Variants in C1orf167 observed in about 807,000 individuals in gnomAD.
C1orf167 encodes uncharacterized protein C1orf167.
Under a neutral mutation model 176.5 loss-of-function variants are expected in C1orf167, and 153 were observed. The ratio of observed to expected loss-of-function variants is 0.87; its 90% CI spans 0.76 to 0.99. C1orf167 has a LOEUF of 0.99. Among genes scored for constraint, C1orf167 ranks in the 50% least tolerant of loss-of-function variants. The pLI is 0.00. For missense variants in C1orf167, 1,490 were observed against 1,817.7 expected, an observed-to-expected ratio of 0.82 and a Z score of 3.28; for synonymous variants, 594 against 752.7, an observed-to-expected ratio of 0.79 and a Z score of 3.45.
In C1orf167 at chr1:11,765,933, G is replaced by A; in HGVS notation, c.147G>A (p.Val49=). 3 of 1,248,542 alleles carry A rather than the reference G, an allele frequency of 2.4e-6. No homozygotes were observed. The highest frequency in any genetic ancestry group is 1.1e-4 in the East Asian group (2 of 17,650). 77.3% of individuals were successfully genotyped at this position (1,248,542 alleles called of 1,614,324 possible). Reference sequence around the variant, plus strand: ...ACCAGTGGGTGCCCGGGTGCCAGGTGGAGAGGGGAGGGCCTGCTGCCACAC... The same window carrying A: ...ACCAGTGGGTGCCCGGGTGCCAGGTAGAGAGGGGAGGGCCTGCTGCCACAC... ...RHDQWVPGCQ[V]ERGGPAATPS... is the part of the protein sequence containing the mutation. Residue 49 remains valine (V), a synonymous_variant, in exon 3 of 21, where the codon GTG becomes GTA. Transcript: ENST00000688073.
At chr1:11,779,106 C>A (rs1643472351) in intron 12 of C1orf167, 26 bp downstream of exon 12, 3 of 1,227,990 alleles carry the variant, frequency 2.4e-6, no homozygotes, top group Non-Finnish European at 3.1e-6. Context: ...CATCCGCCCG[C>A]CACTCTATGG....
At chr1:11,779,250 G>A (rs1461111356) in intron 12 of C1orf167, 170 bp downstream of exon 12, 1 of 512,472 alleles carries the variant, frequency 2.0e-6, no homozygotes, top group Admixed American at 4.7e-5. Flanking sequence ...GTCGGGGAGT[G>A]GTGAGGCACT....
intron 8 of C1orf167, among the ~76,000 whole-genome samples, chr1:11,775,053 G>A (rs1453934782): frequency 6.6e-6 from 1 of 152,204 alleles, no homozygotes; most frequent in Non-Finnish European, 1.5e-5. Flanking sequence ...GGGAGGCCAA[G>A]ACGGCCGGAT....
At chr1:11,783,456 A>G (rs935502956) in intron 14 of C1orf167, among the ~76,000 whole-genome samples, 1 of 152,084 alleles carries the variant, frequency 6.6e-6, no homozygotes, top group Non-Finnish European at 1.5e-5. Flanking sequence ...CATGTTGGTC[A>G]GGCTGGTCTC....
chr1:11,762,821 A>C (rs1304741501), intron 1 of C1orf167, among the ~76,000 whole-genome samples: 1 of 152,094 alleles, frequency 6.6e-6, no homozygotes, highest in Non-Finnish European at 1.5e-5. Flanking sequence ...ACAAACAAAC[A>C]AAAAAAACCA....
Position 11,784,455 on chromosome 1 carries a change from A to C in C1orf167, c.3287A>C (p.His1096Pro). 7.7e-7 allele frequency: 1 copy of C among 1,303,438 alleles called. No homozygotes were observed. Among genetic ancestry groups the C allele is most frequent in the Non-Finnish European group, 1.0e-6 (1 of 988,824 alleles). 80.7% of individuals were successfully genotyped at this position (1,303,438 alleles called of 1,614,324 possible). A position where few individuals can be genotyped will look rare whatever the true frequency, so the allele number is the denominator to read the frequency against. ...TGGCCAGTGGCCCCGGGCATGCACC[A>C]TGAGGCCCAGCAGCAGGCAGGAGAG... Reference protein sequence around the residue: ...PAWPVAPGMHHEAQQQAGESA... With the variant: ...PAWPVAPGMHPEAQQQAGESA... Residue 1096 changes from histidine to proline, a missense_variant, in exon 15 of 21, where the codon CAT becomes CCT. Physicochemically the swap from His to Pro is moderately conservative, Grantham distance 77 (BLOSUM62 -2). Transcript: ENST00000688073.
intron 20 of C1orf167, 191 bp from the exon 21 acceptor site, chr1:11,789,079 G>A (rs1643999632): frequency 1.4e-5 from 7 of 492,434 alleles, no homozygotes; most frequent in Non-Finnish European, 2.0e-5. Context: ...TCTGAGTACA[G>A]CTTCCCAGCT....
rs1463762355 is a variant in C1orf167, at chr1:11,779,988, C to T, written c.2838C>T (p.Cys946=). Residue 946 remains cysteine, a synonymous_variant, in exon 13 of 21, where the codon TGC becomes TGT. Transcript: ENST00000688073. ...RGWRLARDAL[C]HWHSCWQGQQ... is the part of the protein sequence containing the mutation. ...GGCGGCTGGCACGAGATGCCCTATG[C>T]CACTGGCACTCCTGTTGGCAGGGTG... 2 of 1,288,204 alleles carry T rather than the reference C, an allele frequency of 1.6e-6. No individual in the cohort carries two copies. The highest frequency in any genetic ancestry group is 1.5e-5 in the African/African-American group (1 of 65,558). The allele number at this position is 1,288,204 out of a possible 1,614,324, so 79.8% of individuals were successfully genotyped here.
intron 14 of C1orf167, 127 bp from the exon 15 acceptor site, chr1:11,784,047 G>A (rs1044059790): frequency 2.7e-5 from 22 of 813,684 alleles, no homozygotes; most frequent in African/African-American, 2.2e-4. Flanking sequence ...TAATAGAGAC[G>A]GGGTTTCACC....
chr1:11,767,298 A>G (rs6540997), intron 4 of C1orf167, 34 bp downstream of exon 4: 800,026 of 1,213,114 alleles, frequency 0.66, 270,228 homozygotes, highest in Admixed American at 0.78. Context: ...CAGGGGTTGG[A>G]GTTGGGGGAC....
In C1orf167 at chr1:11,788,690, G is replaced by C; in HGVS notation, c.4117G>C (p.Val1373Leu). 1 of 1,304,302 alleles carries C rather than the reference G, an allele frequency of 7.7e-7. No homozygotes were observed. The highest frequency in any genetic ancestry group is 1.0e-6 in the Non-Finnish European group (1 of 988,956). The allele number at this position is 1,304,302 out of a possible 1,614,324, so 80.8% of individuals were successfully genotyped here. A position where few individuals can be genotyped will look rare whatever the true frequency, so the allele number is the denominator to read the frequency against. ...VAPEMGLADV[V>L]AADPATASGS... Reference sequence around the variant, plus strand: ...ACCTGAGATGGGCCTGGCAGACGTGGTGGCAGCGGATCCTGCGACTGCGAG... The same window carrying C: ...ACCTGAGATGGGCCTGGCAGACGTGCTGGCAGCGGATCCTGCGACTGCGAG... The change falls in exon 20 of 21, where the codon GTG (valine) becomes CTG (leucine). Residue 1373 changes from valine (V) to leucine (L), a missense_variant. Transcript: ENST00000688073.
Position 11,766,125 on chromosome 1 carries a change from G to A in C1orf167, c.339G>A (p.Gly113=), listed in dbSNP as rs1332795558. Residue 113 remains glycine (G), a synonymous_variant, in exon 3 of 21, where the codon GGG becomes GGA. Transcript: ENST00000688073. This position sits in a 1 kb window ranked among gnomAD's most constrained non-coding sequence, Gnocchi z 4.5. ...NLQSLARRRQ[G]KAREFAIQQS... The stretch of plus-strand genomic sequence containing the variant: ...AGTCCCTGGCCAGGAGGCGCCAAGG[G>A]AAGGCCCGAGAGTTTGCCATCCAGC... 47 of 1,289,718 alleles carry A rather than the reference G, an allele frequency of 3.6e-5. No individual in the cohort carries two copies. The highest frequency in any genetic ancestry group is 4.3e-5 in the Non-Finnish European group (43 of 988,864). The allele number at this position is 1,289,718 out of a possible 1,614,324, so 79.9% of individuals were successfully genotyped here.
chr1:11,769,349 C>T (rs1268666466), intron 6 of C1orf167, among the ~76,000 whole-genome samples: 1 of 152,176 alleles, frequency 6.6e-6, no homozygotes, highest in Non-Finnish European at 1.5e-5. Flanking sequence ...CTTTGGGAGG[C>T]CTCGGCCAGG....
In C1orf167 at chr1:11,770,449, CT is replaced by C. The variant is rs35237748; in HGVS notation, c.1698-1062del. 4.5e-3 allele frequency among the ~76,000 whole-genome samples: 647 copies of C among 142,668 alleles called. 5 individuals are homozygous for C. Among genetic ancestry groups the C allele is most frequent in the African/African-American group, 0.013 (496 of 38,446 alleles). The allele number at this position is 142,668 out of a possible 152,430, so 93.6% of individuals were successfully genotyped here. The stretch of plus-strand genomic sequence containing the variant: ...TGGGATTAAAGTCGGTTATATTTTT[CT>C]TTTTTTTTTTTTCGAGTCAGAGTAT... On this transcript the variant is annotated intron_variant, in intron 6 of 20. Coordinates refer to ENST00000688073, the MANE Select transcript of C1orf167 (RefSeq NM_001010881.2).
chr1:11,788,587 A>C, intron 19 of C1orf167, 65 bp from the exon 20 acceptor site: 6 of 1,252,482 alleles, frequency 4.8e-6, no homozygotes, highest in Non-Finnish European at 6.4e-6. Context: ...GGAGAAAGGC[A>C]GAAGGGCTGG....
chr1:11,788,090 G>C, intron 18 of C1orf167, 43 bp downstream of exon 18: 1 of 1,280,372 alleles, frequency 7.8e-7, no homozygotes, highest in South Asian at 1.3e-5. Context: ...CCGAGGGATG[G>C]GGGCAAGGGC....
At position 11,787,879 on chromosome 1, in the gene C1orf167, G is replaced by A. The variant is rs116013353; in HGVS notation, c.3680G>A (p.Arg1227Lys). 620 of 1,227,190 alleles carry A rather than the reference G, an allele frequency of 5.1e-4. No homozygotes were observed. The highest frequency in any genetic ancestry group is 6.2e-4 in the Non-Finnish European group (588 of 951,258). The allele number at this position is 1,227,190 out of a possible 1,614,324, so 76.0% of individuals were successfully genotyped here. Residue 1227 changes from arginine to lysine, a missense_variant, in exon 18 of 21, where the codon AGG (arginine) becomes AAG (lysine). Coordinates refer to ENST00000688073, the MANE Select transcript of C1orf167 (RefSeq NM_001010881.2). ...PRGTAWAQRCREHSLCPAFQL... is the reference protein window; with the variant it reads ...PRGTAWAQRCKEHSLCPAFQL... ...ACTCAACTCCCCTTTCCAGGGTGCA[G>A]GGAACATTCCCTCTGCCCTGCCTTC...
intron 10 of C1orf167, 86 bp from the exon 11 acceptor site, chr1:11,778,574 C>A: frequency 8.9e-7 from 1 of 1,128,408 alleles, no homozygotes. Flanking sequence ...TCTTTCACAG[C>A]GGCCAGGGTA....
In C1orf167 at chr1:11,766,853, G is replaced by A. The variant is rs766071138; in HGVS notation, c.1067G>A (p.Ser356Asn). The A allele has an allele frequency of 4.8e-5, 62 of 1,282,332 alleles. 1 individual carries two copies. The highest frequency in any genetic ancestry group is 6.0e-5 in the Non-Finnish European group (59 of 984,142). 79.4% of individuals were successfully genotyped at this position (1,282,332 alleles called of 1,614,324 possible). Residue 356 changes from serine to asparagine, a missense_variant, in exon 3 of 21, where the codon AGC becomes AAC. Transcript: ENST00000688073. This position sits in a 1 kb window ranked among gnomAD's most constrained non-coding sequence, Gnocchi z 4.5. The stretch of plus-strand genomic sequence containing the variant: ...GCCCACCCCCTAGGGTCAGGGGACA[G>A]CTGCTCCCCCTGGTCTCAAGATGGC... Reference protein sequence around the residue: ...PPAHPLGSGDSCSPWSQDGRA... With the variant: ...PPAHPLGSGDNCSPWSQDGRA...
Sources: gnomAD v4.1 joint callset for allele counts (sites outside exome capture counted in the v4.1 genomes callset) on GRCh38, gnomAD v4.1.1 for gene constraint, Gnocchi (gnomAD v3.1) non-coding constraint, MANE v1.5 for transcripts, NCBI Gene and HGNC (gene_info 2026-07-23, HGNC 2026-07-21) for gene names.